Variants in SNX32 observed in about 807,000 individuals in gnomAD.
SNX32 encodes the protein sorting nexin-32.
In SNX32, 58 loss-of-function variants were observed where a neutral mutation model predicts 57.0. The observed-to-expected ratio is 1.02, with a 90% CI of 0.82 to 1.27. SNX32 has a LOEUF of 1.27. Among genes scored for constraint, SNX32 ranks in the 50% most tolerant of loss-of-function variants. SNX32 has a pLI of 0.00. For synonymous variants in SNX32, 262 were observed against 220.4 expected, an observed-to-expected ratio of 1.19 and a Z score of -1.67; for missense variants, 589 against 541.2, an observed-to-expected ratio of 1.09 and a Z score of -0.88.
chr11:65,853,285 A>G lies in SNX32; in HGVS notation c.1162A>G (p.Ser388Gly). The change falls in exon 13 of 13, where the codon AGC becomes GGC. Residue 388 changes from serine (S) to glycine (G), a missense_variant. Coordinates refer to ENST00000308342, the MANE Select transcript of SNX32 (RefSeq NM_152760.3). The stretch of plus-strand genomic sequence containing the variant: ...AGGACCTGTTTCTCCTCTGCAGGCC[A>G]GCACCCTGATTCTCCGGAACACCCT... ...AELELKHAKA[S>G]TLILRNTLVA... 1.2e-6 allele frequency: 2 copies of G among 1,614,128 alleles called. No homozygotes were observed. Among genetic ancestry groups the G allele is most frequent in the South Asian group, 2.2e-5 (2 of 91,082 alleles).
At chr11:65,846,756 G>A (rs1235296009) in intron 1 of SNX32, among the ~76,000 whole-genome samples, 3 of 151,892 alleles carry the variant, frequency 2.0e-5, no homozygotes, top group Non-Finnish European at 4.4e-5. Context: ...GGCCAAGGCG[G>A]GAGGATGACC....
chr11:65,852,426 T>C, intron 9 of SNX32, 39 bp from the exon 10 acceptor site: 1 of 1,590,412 alleles, frequency 6.3e-7, no homozygotes, highest in African/African-American at 1.3e-5. Flanking sequence ...GCTGCCCCTC[T>C]GACAAGCTCC....
intron 1 of SNX32, among the ~76,000 whole-genome samples, chr11:65,838,817 C>G (rs1376940832): frequency 6.6e-6 from 1 of 151,932 alleles, no homozygotes; most frequent in African/African-American, 2.4e-5. Context: ...AAAAACATAA[C>G]TAGATTCCAA....
intron 1 of SNX32, among the ~76,000 whole-genome samples, chr11:65,835,211 C>T (rs1304811862): frequency 6.6e-6 from 1 of 151,830 alleles, no homozygotes; most frequent in Non-Finnish European, 1.5e-5. Context: ...TGTGTGCGGA[C>T]TGATGAGGAT....
intron 1 of SNX32, among the ~76,000 whole-genome samples, chr11:65,835,873 T>C (rs1006545164): frequency 6.6e-6 from 1 of 152,146 alleles, no homozygotes; most frequent in Non-Finnish European, 1.5e-5. Context: ...ACACAAAGCA[T>C]GGAACAGAAT....
intron 1 of SNX32, among the ~76,000 whole-genome samples, chr11:65,844,007 C>T (rs1858918878): frequency 6.6e-6 from 1 of 152,148 alleles, no homozygotes; most frequent in Non-Finnish European, 1.5e-5. Flanking sequence ...GTTACACTCC[C>T]CATGCGCAAT....
At chr11:65,838,480 C>T (rs1858733420) in intron 1 of SNX32, among the ~76,000 whole-genome samples, 1 of 152,164 alleles carries the variant, frequency 6.6e-6, no homozygotes, top group African/African-American at 2.4e-5. Flanking sequence ...CCACCTCAGC[C>T]TTCCAAAGTG....
intron 1 of SNX32, among the ~76,000 whole-genome samples, chr11:65,839,220 T>TTTGTTTTTTTTTTTTTG (rs1858754293): frequency 4.9e-5 from 1 of 20,478 alleles, no homozygotes; most frequent in African/African-American, 1.1e-4. Context: ...AGCTAATTTT[T>TTTGTTTTTTTTTTTTTG]TTGTATTTTT....
chr11:65,851,521 T>C, intron 8 of SNX32, 118 bp downstream of exon 8: 1 of 1,504,406 alleles, frequency 6.6e-7, no homozygotes, highest in Middle Eastern at 1.7e-4. Flanking sequence ...GGCTCTCCTG[T>C]TGGGGGATGG....
chr11:65,850,599 T>C (rs750597758), intron 5 of SNX32, 45 bp downstream of exon 5: 1 of 1,570,906 alleles, frequency 6.4e-7, no homozygotes, highest in African/African-American at 1.4e-5. Flanking sequence ...GCCAGGAGTC[T>C]ACCTTGGGTG....
chr11:65,853,286 G>C lies in SNX32; in HGVS notation c.1163G>C (p.Ser388Thr). 3 of 1,614,100 alleles carry C rather than the reference G, an allele frequency of 1.9e-6. No homozygotes were observed. Among genetic ancestry groups the C allele is most frequent in the Non-Finnish European group, 2.5e-6 (3 of 1,179,994 alleles). ...GGACCTGTTTCTCCTCTGCAGGCCA[G>C]CACCCTGATTCTCCGGAACACCCTT... ...AELELKHAKA[S>T]TLILRNTLVA... Residue 388 changes from serine to threonine, a missense_variant, in exon 13 of 13, where the codon AGC becomes ACC. Transcript: ENST00000308342.
rs183033002 is a variant in SNX32 at position 65,852,396 on chromosome 11, G to A, written c.826-69G>A. 9.4e-5 allele frequency: 126 copies of A among 1,338,762 alleles called. No individual in the cohort carries two copies. The African/African-American group carries it at 1.5e-3, about 16-fold the overall frequency. The allele number at this position is 1,338,762 out of a possible 1,614,324, so 82.9% of individuals were successfully genotyped here. On this transcript the variant is annotated intron_variant, in intron 9 of 12. Transcript: ENST00000308342. ...CTTCTTTGCTGGATATTTAGATGAAGAGGTGCCTCCCACCCCTTAGCTGCC... is the reference window on the plus strand; with the variant it reads ...CTTCTTTGCTGGATATTTAGATGAAAAGGTGCCTCCCACCCCTTAGCTGCC...
At chr11:65,851,790 G>GAA in intron 9 of SNX32, 111 bp downstream of exon 9, 2 of 1,247,424 alleles carry the variant, frequency 1.6e-6, no homozygotes, top group Non-Finnish European at 2.3e-6. Context: ...GATAACTTGG[G>GAA]CCCAGTGGCA....
chr11:65,845,125 C>G (rs1426729653), intron 1 of SNX32, among the ~76,000 whole-genome samples: 4 of 144,322 alleles, frequency 2.8e-5, no homozygotes, highest in African/African-American at 1.0e-4. Flanking sequence ...GCGAGAACAC[C>G]CCCCTGCTTT....
chr11:65,838,832 T>C (rs1031908774), intron 1 of SNX32, among the ~76,000 whole-genome samples: 1 of 152,086 alleles, frequency 6.6e-6, no homozygotes, highest in African/African-American at 2.4e-5. Context: ...TTCCAAAATA[T>C]TGGAAATTAA....
chr11:65,845,877 T>C (rs12226602), intron 1 of SNX32, among the ~76,000 whole-genome samples: 2,150 of 152,224 alleles, frequency 0.014, 50 homozygotes, highest in East Asian at 0.1. Flanking sequence ...GCAATGAAAA[T>C]AACTGCTTCT....
rs367671050 is a variant in SNX32, at chr11:65,852,741, C to A, written c.1024C>A (p.Gln342Lys). The stretch of plus-strand genomic sequence containing the variant: ...GGTGCGGCCCGCCGAGAGCCACCAG[C>A]AGCTGTGCTGCCAACGCTTCGAGCG... ...REVRPAESHQQLCCQRFERLS... is the reference protein window; with the variant it reads ...REVRPAESHQKLCCQRFERLS... Residue 342 changes from glutamine (Q) to lysine (K), a missense_variant, in exon 11 of 13, where the codon CAG (glutamine) becomes AAG (lysine). Physicochemically the swap from Gln to Lys is moderately conservative, Grantham distance 53 (BLOSUM62 1). Transcript: ENST00000308342. The A allele has an allele frequency of 8.1e-6, 13 of 1,607,676 alleles. No homozygotes were observed. Among genetic ancestry groups the A allele is most frequent in the Non-Finnish European group, 1.1e-5 (13 of 1,178,894 alleles).
At chr11:65,851,803 T>C (rs890705219) in intron 9 of SNX32, 124 bp downstream of exon 9, 6 of 1,071,968 alleles carry the variant, frequency 5.6e-6, no homozygotes, top group South Asian at 1.3e-5. Context: ...CAGTGGCAAG[T>C]TGGGCTTACA....
rs201842068 is a variant in SNX32, at chr11:65,849,143, AAAAC to A, written c.37-327_37-324del. ...TGGGCAGTGCAAGACTCCGTCTAAAAAAACAAACAAAGAAACAACAACTGGGTTT... is the reference window on the plus strand; with the variant it reads ...TGGGCAGTGCAAGACTCCGTCTAAAAAAACAAAGAAACAACAACTGGGTTT... On this transcript the variant is annotated intron_variant, in intron 1 of 12. Coordinates refer to ENST00000308342, the MANE Select transcript of SNX32 (RefSeq NM_152760.3). Among the ~76,000 whole-genome samples the A allele has an allele frequency of 3.2e-4, 48 of 152,306 alleles. 2 individuals are homozygous for A. In the East Asian group the frequency reaches 7.3e-3, roughly 23 times the overall value.
Sources: gnomAD v4.1 joint callset for allele counts (sites outside exome capture counted in the v4.1 genomes callset) on GRCh38, gnomAD v4.1.1 for gene constraint, MANE v1.5 for transcripts, NCBI Gene and HGNC (gene_info 2026-07-23, HGNC 2026-07-21) for gene names.